The following ERBB4 variants were observed in gnomAD, a reference collection of about 807,000 sequenced individuals.
ERBB4 encodes receptor tyrosine-protein kinase erbB-4.
In ERBB4, 42 loss-of-function variants were observed where a neutral mutation model predicts 158.0. The ratio of observed to expected loss-of-function variants is 0.27; its 90% CI spans 0.21 to 0.34. The LOEUF (loss-of-function observed/expected upper bound fraction) is 0.34. ERBB4 is among the 10% of genes least tolerant of loss of function. ERBB4 has a pLI of 1.00. For missense variants in ERBB4, 1,333 were observed against 1,624.1 expected (o/e 0.82, Z 3.08); for synonymous variants, 583 against 558.7 (o/e 1.04, Z -0.61).
At position 212,117,535 on chromosome 2, in the gene ERBB4, T is replaced by C. The variant is rs565932185; in HGVS notation, c.234+7217A>G. 6.6e-5 allele frequency among the ~76,000 whole-genome samples: 10 copies of C among 152,296 alleles called. No homozygotes were observed. In the East Asian group the frequency reaches 1.9e-3, roughly 29 times the overall value. ...TGCTTGATACAGAATTCTCATTTAC[T>C]TGTTCACCTTTTGAGTGACAAATAT... is the stretch of plus-strand genomic sequence containing the variant. On this transcript the variant is annotated intron_variant, in intron 2 of 27. Transcript: ENST00000342788.
intron 7 of ERBB4, among the ~76,000 whole-genome samples, chr2:211,722,143 G>C (rs886509014): frequency 6.6e-6 from 1 of 152,150 alleles, no homozygotes; most frequent in Non-Finnish European, 1.5e-5. Flanking sequence ...TTACAGGTGT[G>C]AGCCAGTGCG....
chr2:211,813,998 T>A (rs2076821214), intron 3 of ERBB4, among the ~76,000 whole-genome samples: 1 of 152,134 alleles, frequency 6.6e-6, no homozygotes, highest in African/African-American at 2.4e-5. Flanking sequence ...GTACATCAAT[T>A]AATTACACAT....
At chr2:211,962,771 T>G (rs991969153) in intron 2 of ERBB4, among the ~76,000 whole-genome samples, 11 of 152,146 alleles carry the variant, frequency 7.2e-5, no homozygotes, top group African/African-American at 2.4e-4. Context: ...TTACTGGATG[T>G]GGGAATTGAG....
chr2:211,426,585 C>T (rs868637143), intron 22 of ERBB4, among the ~76,000 whole-genome samples: 3 of 151,944 alleles, frequency 2.0e-5, no homozygotes, highest in Non-Finnish European at 2.9e-5. Flanking sequence ...ATGTTACACC[C>T]TGAGTAACAA....
At chr2:211,758,231 TATG>T (rs2075329295) in intron 4 of ERBB4, among the ~76,000 whole-genome samples, 1 of 152,226 alleles carries the variant, frequency 6.6e-6, no homozygotes, top group Non-Finnish European at 1.5e-5. Context: ...CAATGCTGTC[TATG>T]ATATTACTGT....
chr2:211,833,312 T>C (rs914477933), intron 3 of ERBB4, among the ~76,000 whole-genome samples: 5 of 152,132 alleles, frequency 3.3e-5, no homozygotes, highest in Non-Finnish European at 5.9e-5. Flanking sequence ...AAGGACGTCT[T>C]AGTTTTCAGG....
At chr2:211,906,752 TG>T (rs1160780282) in intron 3 of ERBB4, among the ~76,000 whole-genome samples, 2 of 151,646 alleles carry the variant, frequency 1.3e-5, no homozygotes, top group African/African-American at 4.8e-5. Context: ...CCCCTCTTTG[TG>T]TCCATGTGTC....
At chr2:212,061,809 C>T (rs370774659) in intron 2 of ERBB4, among the ~76,000 whole-genome samples, 1 of 150,182 alleles carries the variant, frequency 6.7e-6, no homozygotes, top group Non-Finnish European at 1.5e-5. Context: ...GATCTCAGCT[C>T]ACCACAAACT....
At chr2:212,314,579 C>T (rs1472676756) in intron 1 of ERBB4, among the ~76,000 whole-genome samples, 1 of 150,142 alleles carries the variant, frequency 6.7e-6, no homozygotes, top group Admixed American at 6.6e-5. Context: ...TCCAAAATAA[C>T]CATATTTTGG....
chr2:211,405,087 G>T, intron 25 of ERBB4, among the ~76,000 whole-genome samples: 1 of 152,108 alleles, frequency 6.6e-6, no homozygotes, highest in East Asian at 1.9e-4. Context: ...TATACCTGTG[G>T]TAGATATTAT....
chr2:211,765,756 C>G (rs1198238700), intron 4 of ERBB4, among the ~76,000 whole-genome samples: 2 of 152,100 alleles, frequency 1.3e-5, no homozygotes, highest in Non-Finnish European at 2.9e-5. Context: ...TGATGGTTGT[C>G]CATCATTGTA....
intron 2 of ERBB4, among the ~76,000 whole-genome samples, chr2:212,087,123 A>G (rs187231274): frequency 6.6e-4 from 100 of 151,918 alleles, no homozygotes; most frequent in Admixed American, 6.5e-3. Context: ...CTATATGGAA[A>G]ATGTGTCTAT....
chr2:212,481,793 G>A (rs549157275), intron 1 of ERBB4, among the ~76,000 whole-genome samples: 8 of 152,216 alleles, frequency 5.3e-5, no homozygotes, highest in African/African-American at 1.4e-4. Flanking sequence ...CCTGCAAACC[G>A]TTGCAGAGCT....
intron 2 of ERBB4, among the ~76,000 whole-genome samples, chr2:211,957,338 G>T (rs1014595929): frequency 6.6e-6 from 1 of 152,054 alleles, no homozygotes; most frequent in Non-Finnish European, 1.5e-5. Context: ...ACAGAGAGAA[G>T]TTGGTCATCT....
chr2:212,071,747 C>T (rs1002034393), intron 2 of ERBB4, among the ~76,000 whole-genome samples: 5 of 151,968 alleles, frequency 3.3e-5, no homozygotes, highest in African/African-American at 1.2e-4. Flanking sequence ...AAACATACAA[C>T]ATTTGAAGTA....
intron 3 of ERBB4, among the ~76,000 whole-genome samples, chr2:211,837,576 C>A (rs1575221643): frequency 6.6e-6 from 1 of 152,056 alleles, no homozygotes; most frequent in East Asian, 1.9e-4. Flanking sequence ...ATCATAGACT[C>A]TCAATCCAAG....
At chr2:211,850,742 C>T (rs1210392640) in intron 3 of ERBB4, among the ~76,000 whole-genome samples, 1 of 151,806 alleles carries the variant, frequency 6.6e-6, no homozygotes, top group East Asian at 1.9e-4. Flanking sequence ...GCAGATGAGG[C>T]TGTTAGGGGC....
chr2:211,938,089 T>C (rs904521828), intron 3 of ERBB4, among the ~76,000 whole-genome samples: 14 of 152,142 alleles, frequency 9.2e-5, no homozygotes, highest in Admixed American at 6.6e-4. Flanking sequence ...TACAATTTGA[T>C]GATATAAGCC....
Position 211,377,466 on chromosome 2 carries a change from AAAGAG to A in ERBB4, c.*6144_*6148del. 4.3e-6 allele frequency: 1 copy of A among 233,050 alleles called. No homozygotes were observed. 14.4% of individuals were successfully genotyped at this position (233,050 alleles called of 1,614,324 possible). On this transcript the variant is annotated 3_prime_UTR_variant, in exon 28 of 28. Transcript: ENST00000342788. The stretch of plus-strand genomic sequence containing the variant: ...AGAGCATGAAAAGAAAAACGTCCAT[AAAGAG>A]CAAAAGTAGGTAAAGGATGGCATTC...
Sources: gnomAD v4.1 joint callset for allele counts (sites outside exome capture counted in the v4.1 genomes callset) on GRCh38, gnomAD v4.1.1 for gene constraint, MANE v1.5 for transcripts, NCBI Gene and HGNC (gene_info 2026-07-23, HGNC 2026-07-21) for gene names.